ARID1B: variants seen among roughly 807,000 people sequenced by gnomAD.
The protein encoded by ARID1B is AT-rich interactive domain-containing protein 1B.
In ARID1B, 30 loss-of-function variants were observed where a neutral mutation model predicts 212.3. The observed-to-expected ratio is 0.14, with a 90% CI of 0.11 to 0.19. The LOEUF (loss-of-function observed/expected upper bound fraction) is 0.19, where lower values mean the gene tolerates loss of function less well. Ranked by LOEUF, ARID1B falls within the 10% of genes least tolerant of loss-of-function variation. The pLI, the probability that ARID1B is intolerant of heterozygous loss-of-function variation, is 1.00. For synonymous variants in ARID1B, 1,402 were observed against 1,301.7 expected (o/e 1.08, Z -1.66); for missense variants, 2,891 against 3,204.0 (o/e 0.90, Z 2.36).
intron 4 of ARID1B, among the ~76,000 whole-genome samples, chr6:156,984,168 A>C (rs1404055609): frequency 6.6e-6 from 1 of 152,174 alleles, no homozygotes; most frequent in Non-Finnish European, 1.5e-5. Context: ...AGGAGGTATC[A>C]GGACAAACCT....
At chr6:157,132,133 G>A (rs1446007488) in intron 6 of ARID1B, among the ~76,000 whole-genome samples, 1 of 152,200 alleles carries the variant, frequency 6.6e-6, no homozygotes, top group African/African-American at 2.4e-5. Flanking sequence ...GTACAGCTGT[G>A]GTGTGGGCAG....
chr6:157,091,518 T>TA (rs1354559280), intron 5 of ARID1B, among the ~76,000 whole-genome samples: 1 of 152,202 alleles, frequency 6.6e-6, no homozygotes, highest in Non-Finnish European at 1.5e-5. Context: ...AAGGATGCTA[T>TA]AATGGGAAAG....
rs570981533 is a variant in ARID1B at position 156,855,709 on chromosome 6, G to A, written c.1986+26288G>A. On this transcript the variant is annotated intron_variant, in intron 2 of 19. Transcript: ENST00000636930. ...GAATGGAGCCCTAAATTGTGTGTGTGTTTCTCTGTCTTTGTGTGTGTGAGT... is the reference window on the plus strand; with the variant it reads ...GAATGGAGCCCTAAATTGTGTGTGTATTTCTCTGTCTTTGTGTGTGTGAGT... 1.3e-3 allele frequency among the ~76,000 whole-genome samples: 202 copies of A among 152,232 alleles called. 2 individuals carry two copies. In the South Asian group the frequency reaches 0.015, roughly 12 times the overall value.
At chr6:156,989,637 A>G (rs1314897290) in intron 4 of ARID1B, among the ~76,000 whole-genome samples, 1 of 152,212 alleles carries the variant, frequency 6.6e-6, no homozygotes, top group African/African-American at 2.4e-5. Context: ...CACTTTCCCC[A>G]TCTGTAAAAT....
intron 4 of ARID1B, among the ~76,000 whole-genome samples, chr6:157,064,618 C>T (rs1299386573): frequency 3.9e-5 from 6 of 152,182 alleles, no homozygotes; most frequent in East Asian, 1.9e-4. Context: ...TTTCTGGATT[C>T]GCCGAGAACA....
chr6:157,138,152 G>T (rs1583380007), intron 7 of ARID1B, among the ~76,000 whole-genome samples: 1 of 152,258 alleles, frequency 6.6e-6, no homozygotes, highest in East Asian at 1.9e-4. Flanking sequence ...TGCAGTCACT[G>T]AGACCCAGGA....
intron 4 of ARID1B, among the ~76,000 whole-genome samples, chr6:157,019,482 G>A (rs1780098300): frequency 6.6e-6 from 1 of 152,196 alleles, no homozygotes; most frequent in Admixed American, 6.5e-5. Flanking sequence ...CTGCTTGGAG[G>A]AGTTAAATTT....
chr6:156,895,027 G>A (rs1185241642), intron 2 of ARID1B, among the ~76,000 whole-genome samples: 1 of 152,188 alleles, frequency 6.6e-6, no homozygotes, highest in South Asian at 2.1e-4. Flanking sequence ...GTCCAGTGGT[G>A]TGGTGGTGTT....
In ARID1B at chr6:157,102,047, A is replaced by G. The variant is rs1786080270; in HGVS notation, c.2492-8425A>G. Among the ~76,000 whole-genome samples the G allele has an allele frequency of 3.9e-5, 6 of 152,212 alleles. No individual in the cohort carries two copies. The South Asian group carries it at 1.2e-3, about 32-fold the overall frequency. On this transcript the variant is annotated intron_variant, in intron 5 of 19. Coordinates refer to ENST00000636930, the MANE Select transcript of ARID1B (RefSeq NM_001374828.1). ...GTATTACTAATACTGGAGATAATGC[A>G]GTATTATTTGAAAAGGGGTGAATGG...
Position 157,190,264 on chromosome 6 carries a change from T to C in ARID1B, c.4231+54T>C. ...ATGGACCAGTGGGCATTCTACTCTC[T>C]GCCGTTCCACAACAGTTCACCTTTC... On this transcript the variant is annotated intron_variant, in intron 15 of 19. Transcript: ENST00000636930. The surrounding 1 kb of genome is among the most constrained non-coding windows in gnomAD (Gnocchi z 4.6). The C allele has an allele frequency of 6.5e-7, 1 of 1,546,682 alleles. No individual in the cohort carries two copies. Among genetic ancestry groups the C allele is most frequent in the Non-Finnish European group, 8.7e-7 (1 of 1,151,720 alleles).
chr6:157,174,942 A>G lies in ARID1B; in HGVS notation c.3441A>G (p.Ser1147=). ...PMSPSSASIS[S]FHGDESDSIS... ...CCCCCAGCTCTGCTAGCATCTCCTC[A>G]TTTCATGGAGATGAAAGTGATAGCA... Residue 1147 remains serine, a synonymous_variant, in exon 11 of 20, where the codon TCA becomes TCG. Coordinates refer to ENST00000636930, the MANE Select transcript of ARID1B (RefSeq NM_001374828.1). 1 of 1,538,576 alleles carries G rather than the reference A, an allele frequency of 6.5e-7. No homozygotes were observed. Among genetic ancestry groups the G allele is most frequent in the South Asian group, 1.2e-5 (1 of 80,510 alleles).
chr6:156,959,863 G>A (rs1794240251), intron 4 of ARID1B, among the ~76,000 whole-genome samples: 1 of 151,646 alleles, frequency 6.6e-6, no homozygotes, highest in African/African-American at 2.4e-5. Flanking sequence ...CTGGTTTGCT[G>A]TGCAGCTGCA....
chr6:156,987,658 G>C (rs550752366), intron 4 of ARID1B, among the ~76,000 whole-genome samples: 7 of 152,248 alleles, frequency 4.6e-5, no homozygotes, highest in East Asian at 3.9e-4. Context: ...TGTATTTTCT[G>C]CTTTTTTCAT....
Position 157,007,615 on chromosome 6 carries a change from G to C in ARID1B, c.2247+72039G>C. Among the ~76,000 whole-genome samples the C allele has an allele frequency of 2.0e-5, 3 of 152,246 alleles. No individual in the cohort carries two copies. In the Middle Eastern group the frequency reaches 0.01, roughly 518 times the overall value. On this transcript the variant is annotated intron_variant, in intron 4 of 19. Coordinates refer to ENST00000636930, the MANE Select transcript of ARID1B (RefSeq NM_001374828.1). ...TAGAAAGTAGAGAATTATAAGAAAT[G>C]AGTCAGAGAGTTGTTGTAAGAAGAT...
intron 4 of ARID1B, chr6:156,940,816 A>G (rs1792616067): frequency 6.6e-6 from 1 of 152,122 alleles, no homozygotes; most frequent in Admixed American, 6.5e-5. Flanking sequence ...AAGCTTTTTA[A>G]CTGGGTTCAG....
intron 4 of ARID1B, among the ~76,000 whole-genome samples, chr6:157,048,123 T>C (rs1302205632): frequency 1.3e-5 from 2 of 152,228 alleles, no homozygotes; most frequent in African/African-American, 4.8e-5. Flanking sequence ...TAAATTTGGC[T>C]TCTTCCCAAG....
At chr6:156,806,609 T>A (rs1419509344) in intron 1 of ARID1B, among the ~76,000 whole-genome samples, 1 of 152,216 alleles carries the variant, frequency 6.6e-6, no homozygotes, top group Non-Finnish European at 1.5e-5. Flanking sequence ...TATCCCTGTT[T>A]CGTGTGTGCT....
rs1357237434 is a variant in ARID1B, at chr6:157,041,584, A to AT, written c.2248-43078_2248-43077insT. Reference sequence around the variant, plus strand: ...GTGGCTAAGTCCAGAATTAGAAAAAAGCACGTTTTTATTTAATCCACTCTC... The same window carrying AT: ...GTGGCTAAGTCCAGAATTAGAAAAAATGCACGTTTTTATTTAATCCACTCTC... On this transcript the variant is annotated intron_variant, in intron 4 of 19. Transcript: ENST00000636930. 2.6e-5 allele frequency among the ~76,000 whole-genome samples: 4 copies of AT among 152,208 alleles called. 1 individual carries two copies. Among genetic ancestry groups the AT allele is most frequent in the Non-Finnish European group, 4.4e-5 (3 of 68,038 alleles).
chr6:156,869,635 T>C (rs183089096), intron 2 of ARID1B, among the ~76,000 whole-genome samples: 19 of 152,338 alleles, frequency 1.2e-4, no homozygotes, highest in Admixed American at 1.2e-3. Context: ...TTCTTCACCC[T>C]TTTAGTAGAC....
Sources: gnomAD v4.1 joint callset for allele counts (sites outside exome capture counted in the v4.1 genomes callset) on GRCh38, gnomAD v4.1.1 for gene constraint, Gnocchi (gnomAD v3.1) non-coding constraint, MANE v1.5 for transcripts, NCBI Gene and HGNC (gene_info 2026-07-23, HGNC 2026-07-21) for gene names.